CMIP: variants seen among roughly 807,000 people sequenced by gnomAD.
CMIP encodes c-Maf inducing protein.
Under a neutral mutation model 97.3 loss-of-function variants are expected in CMIP, and 13 were observed. The ratio of observed to expected loss-of-function variants is 0.13; its 90% confidence interval spans 0.09 to 0.21. The LOEUF (loss-of-function observed/expected upper bound fraction) is 0.21. CMIP is among the 10% of genes least tolerant of loss of function. CMIP has a pLI of 1.00. For synonymous variants in CMIP, 538 were observed against 436.3 expected, an observed-to-expected ratio of 1.23 and a Z score of -2.91; for missense variants, 847 against 1,024.9, an observed-to-expected ratio of 0.83 and a Z score of 2.37.
chr16:81,678,873 CTG>C (rs1216518491), intron 10 of CMIP, among the ~76,000 whole-genome samples: 1 of 152,246 alleles, frequency 6.6e-6, no homozygotes, highest in Non-Finnish European at 1.5e-5. Context: ...GGTTGTGTAT[CTG>C]TGAGCATATG....
intron 3 of CMIP, among the ~76,000 whole-genome samples, chr16:81,634,379 C>A (rs2092207255): frequency 6.6e-6 from 1 of 152,194 alleles, no homozygotes; most frequent in African/African-American, 2.4e-5. Flanking sequence ...GGAATTCAAA[C>A]CCAGAGTCTG....
At chr16:81,547,936 G>A (rs1420367410) in intron 1 of CMIP, among the ~76,000 whole-genome samples, 1 of 152,136 alleles carries the variant, frequency 6.6e-6, no homozygotes, top group Non-Finnish European at 1.5e-5. Flanking sequence ...CCTGTCACCC[G>A]AGCAACTCGC....
At chr16:81,646,627 T>C (rs2092367469) in intron 3 of CMIP, among the ~76,000 whole-genome samples, 1 of 152,238 alleles carries the variant, frequency 6.6e-6, no homozygotes, top group African/African-American at 2.4e-5. Context: ...CTCATGCTTG[T>C]TTGCAGTCTC....
At chr16:81,588,745 C>G (rs990620005) in intron 1 of CMIP, among the ~76,000 whole-genome samples, 5 of 152,156 alleles carry the variant, frequency 3.3e-5, no homozygotes, top group African/African-American at 1.2e-4. Context: ...AGCCGGTGTG[C>G]TGTTTAGTCG....
intron 1 of CMIP, among the ~76,000 whole-genome samples, chr16:81,592,729 C>T (rs1028140007): frequency 3.9e-5 from 6 of 152,232 alleles, no homozygotes; most frequent in South Asian, 4.1e-4. Context: ...TCCTTTTCTC[C>T]TCCATGGAAC....
intron 3 of CMIP, among the ~76,000 whole-genome samples, chr16:81,622,601 C>T (rs1007195230): frequency 1.3e-5 from 2 of 152,070 alleles, no homozygotes; most frequent in Admixed American, 1.3e-4. Context: ...TAGCTCAGGA[C>T]ACGGCAGAAT....
chr16:81,620,106 CT>C (rs908619207), intron 2 of CMIP: 1 of 152,228 alleles, frequency 6.6e-6, no homozygotes, highest in African/African-American at 2.4e-5. Context: ...AGAATAATTT[CT>C]GGTCTTTAAA....
chr16:81,608,019 T>G (rs921833886), intron 2 of CMIP, among the ~76,000 whole-genome samples: 15 of 152,202 alleles, frequency 9.9e-5, no homozygotes, highest in Non-Finnish European at 1.5e-5. Context: ...ACAGGTGAGT[T>G]GTTAGGCCCA....
At chr16:81,667,799 A>AGAGAGAGAGAGGGTGTGTGT in intron 7 of CMIP, among the ~76,000 whole-genome samples, 1 of 58,096 alleles carries the variant, frequency 1.7e-5, no homozygotes, top group Non-Finnish European at 3.2e-5. Flanking sequence ...AGAGAGAGAG[A>AGAGAGAGAGAGGGTGTGTGT]GTGTGTGTGT....
chr16:81,565,761 C>A (rs1223390786), intron 1 of CMIP, among the ~76,000 whole-genome samples: 2 of 152,006 alleles, frequency 1.3e-5, no homozygotes, highest in Non-Finnish European at 2.9e-5. Flanking sequence ...TTGACTCATT[C>A]GTGCTGTCAT....
Position 81,545,849 on chromosome 16 carries a change from C to T in CMIP, c.301-61718C>T, listed in dbSNP as rs1373865564. Among the ~76,000 whole-genome samples the T allele has an allele frequency of 2.6e-5, 4 of 152,154 alleles. No individual in the cohort carries two copies. The East Asian group carries it at 5.8e-4, about 22-fold the overall frequency. ...TTCCACACACAGTACAAGTCTGGGT[C>T]TCGGCTGAATGAGCGAGCACGGGAT... On this transcript the variant is annotated intron_variant, in intron 1 of 20. Transcript: ENST00000537098.
At chr16:81,604,958 A>G (rs1288150455) in intron 1 of CMIP, among the ~76,000 whole-genome samples, 1 of 152,230 alleles carries the variant, frequency 6.6e-6, no homozygotes, top group Non-Finnish European at 1.5e-5. Flanking sequence ...GTCAGACGCC[A>G]TTTAGGCATA....
intron 1 of CMIP, among the ~76,000 whole-genome samples, chr16:81,557,937 A>G (rs555874099): frequency 7.9e-5 from 12 of 152,288 alleles, no homozygotes; most frequent in African/African-American, 2.6e-4. Context: ...TCCCTGTTAA[A>G]CACTAACTCC....
intron 3 of CMIP, among the ~76,000 whole-genome samples, chr16:81,637,415 G>A (rs902456784): frequency 6.6e-6 from 1 of 152,158 alleles, no homozygotes; most frequent in Non-Finnish European, 1.5e-5. Context: ...TCTTTAGTCA[G>A]TGTCCTACTG....
chr16:81,452,448 G>C (rs1454507945), intron 1 of CMIP, among the ~76,000 whole-genome samples: 1 of 152,172 alleles, frequency 6.6e-6, no homozygotes, highest in Non-Finnish European at 1.5e-5. Context: ...GCCTGCCCTC[G>C]TGGAGCCTGT....
intron 2 of CMIP, chr16:81,620,316 C>T (rs563607785): frequency 6.5e-6 from 1 of 152,990 alleles, no homozygotes; most frequent in East Asian, 1.9e-4. Context: ...GGTTAAATGC[C>T]CAGACTTGGA....
intron 1 of CMIP, among the ~76,000 whole-genome samples, chr16:81,472,177 A>G (rs1174896301): frequency 6.6e-6 from 1 of 152,104 alleles, no homozygotes; most frequent in African/African-American, 2.4e-5. Flanking sequence ...CACTTATTGC[A>G]TTTGTGTTTC....
chr16:81,447,300 A>C (rs566434897), intron 1 of CMIP, among the ~76,000 whole-genome samples: 4 of 151,224 alleles, frequency 2.6e-5, no homozygotes, highest in Non-Finnish European at 5.9e-5. Context: ...GGGTAGGAAA[A>C]TGGTTAGAAG....
At position 81,614,973 on chromosome 16, in the gene CMIP, T is replaced by C. The variant is rs2091890489; in HGVS notation, c.427-5903T>C. Among the ~76,000 whole-genome samples the C allele has an allele frequency of 6.6e-6, 1 of 150,722 alleles. No homozygotes were observed. Among genetic ancestry groups the C allele is most frequent in the Non-Finnish European group, 1.5e-5 (1 of 67,574 alleles). On this transcript the variant is annotated intron_variant, in intron 2 of 20. Transcript: ENST00000537098. This position sits in a 1 kb window ranked among gnomAD's most constrained non-coding sequence, Gnocchi z 5.3. ...CATGTGTGTGGTGTGTTGTGTGATA[T>C]GTGACGTGTGTGTGTGGTGTATGTG...
Sources: gnomAD v4.1 joint callset for allele counts (sites outside exome capture counted in the v4.1 genomes callset) on GRCh38, gnomAD v4.1.1 for gene constraint, Gnocchi (gnomAD v3.1) non-coding constraint, MANE v1.5 for transcripts, NCBI Gene and HGNC (gene_info 2026-07-23, HGNC 2026-07-21) for gene names.